Variants in FASN observed in about 807,000 individuals in gnomAD.
FASN encodes fatty acid synthase, also known as 3-hydroxyacyl-[acyl-carrier-protein] dehydratase.
FASN carries 50 observed loss-of-function variants against 250.0 expected under a neutral mutation model. The ratio of observed to expected loss-of-function variants is 0.20; its 90% confidence interval spans 0.16 to 0.25. The LOEUF (loss-of-function observed/expected upper bound fraction) is 0.25, where lower values mean the gene tolerates loss of function less well. FASN is among the 10% of genes least tolerant of loss of function. The pLI is 1.00. For missense variants in FASN, 3,031 were observed against 3,498.5 expected (o/e 0.87, Z 3.37); for synonymous variants, 1,909 against 1,584.0 (o/e 1.21, Z -4.87).
intron 11 of FASN, among the ~76,000 whole-genome samples, chr17:82,090,095 C>T (rs1171002431): frequency 6.6e-6 from 1 of 152,236 alleles, no homozygotes; most frequent in East Asian, 1.9e-4. Flanking sequence ...TCACCAGAGC[C>T]CCTGGGTTCT....
In FASN at chr17:82,088,496, G is replaced by A. The variant is rs780802130; in HGVS notation, c.2487C>T (p.Leu829=). 8.7e-6 allele frequency: 14 copies of A among 1,609,664 alleles called. No homozygotes were observed. Among genetic ancestry groups the A allele is most frequent in the South Asian group, 7.7e-5 (7 of 90,950 alleles). ...VEFPAPRGTP[L]ISPLIKWDHS... is the part of the protein sequence containing the mutation. ...GGTCCCACTTGATGAGTGGGGAGAT[G>A]AGGGGAGTTCCTCGGGGAGCTGGGA... The change falls in exon 16 of 43, where the codon CTC becomes CTT. Residue 829 remains leucine (L), a synonymous_variant. Transcript: ENST00000306749.
chr17:82,095,640 C>G (rs1240736199), intron 2 of FASN, among the ~76,000 whole-genome samples, 168 bp from the exon 3 acceptor site: 1 of 152,216 alleles, frequency 6.6e-6, no homozygotes, highest in Non-Finnish European at 1.5e-5. Context: ...AGACCATGGC[C>G]CCAAAGCGGG....
chr17:82,081,327 G>T lies in FASN; in HGVS notation c.6432C>A (p.Asn2144Lys). 6.4e-7 allele frequency: 1 copy of T among 1,558,360 alleles called. No individual in the cohort carries two copies. Among genetic ancestry groups the T allele is most frequent in the Non-Finnish European group, 8.7e-7 (1 of 1,151,666 alleles). ...ILGIRDLAAV[N>K]LDSSLADLGL... Reference sequence around the variant, plus strand: ...CCAGGTCCGCCAGTGAGCTGTCCAGGTTGACAGCAGCCAAGTCGCGGATGC... The same window carrying T: ...CCAGGTCCGCCAGTGAGCTGTCCAGTTTGACAGCAGCCAAGTCGCGGATGC... Residue 2144 changes from asparagine (N) to lysine (K), a missense_variant, in exon 38 of 43, where the codon AAC becomes AAA. Physicochemically the swap from Asn to Lys is moderately conservative, Grantham distance 94. Transcript: ENST00000306749.
At position 82,083,048 on chromosome 17, in the gene FASN, T is replaced by C; in HGVS notation, c.5633A>G (p.Lys1878Arg). Residue 1878 changes from lysine (K) to arginine (R), a missense_variant, in exon 33 of 43, where the codon AAG (lysine) becomes AGG (arginine). Transcript: ENST00000306749. ...AKPKLMSAIS[K>R]TFCPAHKSYI... ...GCTCTTGTGGGCCGGGCAGAAGGTCTTGGAGATGGCCGACATCAGCTTGGG... is the reference window on the plus strand; with the variant it reads ...GCTCTTGTGGGCCGGGCAGAAGGTCCTGGAGATGGCCGACATCAGCTTGGG... 1.9e-6 allele frequency: 3 copies of C among 1,612,690 alleles called. No homozygotes were observed. Among genetic ancestry groups the C allele is most frequent in the Non-Finnish European group, 2.5e-6 (3 of 1,179,978 alleles).
At chr17:82,085,435 T>C (rs1484506813) in intron 23 of FASN, 33 bp from the exon 24 acceptor site, 1 of 1,600,666 alleles carries the variant, frequency 6.2e-7, no homozygotes, top group Non-Finnish European at 8.5e-7. Flanking sequence ...CCTGCCCGCC[T>C]GGCCCTCACC....
chr17:82,082,464 C>A, intron 34 of FASN, 50 bp from the exon 35 acceptor site: 1 of 1,611,296 alleles, frequency 6.2e-7, no homozygotes, highest in Non-Finnish European at 8.5e-7. Context: ...CCTCACCCGT[C>A]CACCCAGGGT....
Position 82,088,108 on chromosome 17 carries a change from C to T in FASN, c.2785+8G>A. ...CTACCCCCGCCTTGGTCCTGGGGTA[C>T]CCCTCACCAGTCTTGGGCAGGATGG... is the stretch of plus-strand genomic sequence containing the variant. On this transcript the variant is annotated splice_region_variant and intron_variant, in intron 17 of 42. Coordinates refer to ENST00000306749, the MANE Select transcript of FASN (RefSeq NM_004104.5). The T allele has an allele frequency of 6.2e-7, 1 of 1,612,772 alleles. No homozygotes were observed. The highest frequency in any genetic ancestry group is 8.5e-7 in the Non-Finnish European group (1 of 1,179,952).
Position 82,085,616 on chromosome 17 carries a change from T to A in FASN, c.3988A>T (p.Ser1330Cys), listed in dbSNP as rs1298794499. ...TCTCTCAGGGCAGCCACCATGTTGC[T>A]GAGAGCTGAGGCCGGGTCCCCGAGG... ...AALGDPASALSNMVAALREGG... is the reference protein window; with the variant it reads ...AALGDPASALCNMVAALREGG... Residue 1330 changes from serine (S) to cysteine (C), a missense_variant, in exon 23 of 43, where the codon AGC becomes TGC. Coordinates refer to ENST00000306749, the MANE Select transcript of FASN (RefSeq NM_004104.5). The A allele has an allele frequency of 3.1e-5, 49 of 1,599,894 alleles. No homozygotes were observed. The highest frequency in any genetic ancestry group is 3.8e-5 in the Non-Finnish European group (45 of 1,174,138).
rs9898060 is a variant in FASN at position 82,082,172 on chromosome 17, C to G, written c.6012-12G>C. 14,079 of 1,601,602 alleles carry G rather than the reference C, an allele frequency of 8.8e-3. 365 individuals are homozygous for G. Among genetic ancestry groups the G allele is most frequent in the African/African-American group, 0.07 (5,278 of 75,010 alleles). ...CCTCTCGGGTCACCCTGTGGGCACGCGTGTCACTCCCCATTGGCCAGCATC... is the reference window on the plus strand; with the variant it reads ...CCTCTCGGGTCACCCTGTGGGCACGGGTGTCACTCCCCATTGGCCAGCATC... On this transcript the variant is annotated splice_polypyrimidine_tract_variant and intron_variant, in intron 35 of 42. Transcript: ENST00000306749.
At chr17:82,097,039 C>A (rs947262323) in intron 1 of FASN, among the ~76,000 whole-genome samples, 2 of 152,338 alleles carry the variant, frequency 1.3e-5, no homozygotes, top group South Asian at 4.1e-4. Flanking sequence ...GCTGTCCAGG[C>A]CAGCCCAAGA....
chr17:82,081,625 C>A lies in FASN; in HGVS notation c.6382G>T (p.Val2128Leu). The change falls in exon 37 of 43, where the codon GTG becomes TTG. Residue 2128 changes from valine (V) to leucine (L), a missense_variant. Transcript: ENST00000306749. Reference sequence around the variant, plus strand: ...CCCAGGATGTGTGCCACGGCCTCCACCAGGTCCCGCTGGCTGTCCCTGTCC... The same window carrying A: ...CCCAGGATGTGTGCCACGGCCTCCAACAGGTCCCGCTGGCTGTCCCTGTCC... ...YRDRDSQRDL[V>L]EAVAHILGIR... The A allele has an allele frequency of 6.2e-7, 1 of 1,612,736 alleles. No homozygotes were observed. The highest frequency in any genetic ancestry group is 8.5e-7 in the Non-Finnish European group (1 of 1,180,000).
At chr17:82,089,198 G>A in intron 13 of FASN, 26 bp from the exon 14 acceptor site, 7 of 1,601,956 alleles carry the variant, frequency 4.4e-6, no homozygotes, top group Non-Finnish European at 6.0e-6. Flanking sequence ...GGTCAGTGCT[G>A]GGTTGTGGGT....
rs902299919 is a variant in FASN at position 82,091,451 on chromosome 17, G to A, written c.1263C>T (p.Pro421=). The part of the protein sequence containing the change: ...PPAPAPHATL[P]RLLRASGRTP... ...TGCGTCCGCTGGCCCGCAGCAGACG[G>A]GGCAGGGTGGCATGTGGGGCGGGTG... The change falls in exon 9 of 43, where the codon CCC becomes CCT. Residue 421 remains proline (P), a synonymous_variant. Coordinates refer to ENST00000306749, the MANE Select transcript of FASN (RefSeq NM_004104.5). 6.2e-7 allele frequency: 1 copy of A among 1,607,632 alleles called. No homozygotes were observed. Among genetic ancestry groups the A allele is most frequent in the South Asian group, 1.1e-5 (1 of 90,408 alleles).
At chr17:82,086,664 GC>G in intron 21 of FASN, 106 bp from the exon 22 acceptor site, 1 of 851,462 alleles carries the variant, frequency 1.2e-6, no homozygotes, top group Non-Finnish European at 1.9e-6. Flanking sequence ...ACCCCGCTCT[GC>G]CCACAGGATG....
chr17:82,091,841 G>C (rs1186780342), intron 8 of FASN, among the ~76,000 whole-genome samples, 157 bp from the exon 9 acceptor site: 1 of 152,150 alleles, frequency 6.6e-6, no homozygotes, highest in Non-Finnish European at 1.5e-5. Flanking sequence ...CATGGCACAG[G>C]GGTCCGAGGA....
intron 25 of FASN, 29 bp downstream of exon 25, chr17:82,085,006 G>A: frequency 6.3e-7 from 1 of 1,592,298 alleles, no homozygotes; most frequent in Non-Finnish European, 8.5e-7. Context: ...TGGTGGGGAA[G>A]GGGAAGTGGT....
chr17:82,086,953 G>C lies in FASN; in HGVS notation c.3427+97C>G. ...TGGGCTAGGGTTGCTGACCCCAAAG[G>C]GGGCCCCGTGGAGAAGCAAGTCTGG... On this transcript the variant is annotated intron_variant, in intron 21 of 42. Coordinates refer to ENST00000306749, the MANE Select transcript of FASN (RefSeq NM_004104.5). 5.6e-6 allele frequency: 8 copies of C among 1,433,458 alleles called. No individual in the cohort carries two copies. In the South Asian group the frequency reaches 7.3e-5, roughly 13 times the overall value. 88.8% of individuals were successfully genotyped at this position (1,433,458 alleles called of 1,614,324 possible).
rs548731852 is a variant in FASN, at chr17:82,086,276, C to T, written c.3710G>A (p.Ser1237Asn). The T allele has an allele frequency of 3.3e-5, 52 of 1,580,014 alleles. No homozygotes were observed. In the South Asian group the frequency reaches 4.8e-4, roughly 15 times the overall value. Reference protein sequence around the residue: ...CLDTAVENMPSLKMKVVEVLA... With the variant: ...CLDTAVENMPNLKMKVVEVLA... ...CACCTCCACCACCTTCATCTTCAGGCTGGGCATGTTCTCCACGGCAGTGTC... is the reference window on the plus strand; with the variant it reads ...CACCTCCACCACCTTCATCTTCAGGTTGGGCATGTTCTCCACGGCAGTGTC... Residue 1237 changes from serine (S) to asparagine (N), a missense_variant, in exon 22 of 43, where the codon AGC (serine) becomes AAC (asparagine). Transcript: ENST00000306749.
intron 3 of FASN, among the ~76,000 whole-genome samples, chr17:82,095,043 C>A (rs2034280431): frequency 6.6e-6 from 1 of 152,272 alleles, no homozygotes; most frequent in East Asian, 1.9e-4. Flanking sequence ...TCACTCCAGC[C>A]CCGGCCCCGG....
Sources: allele counts gnomAD v4.1 joint callset (sites outside exome capture counted in the v4.1 genomes callset), GRCh38; gene constraint gnomAD v4.1.1; transcripts MANE v1.5; gene names NCBI Gene and HGNC (gene_info 2026-07-23, HGNC 2026-07-21).